The following ZNF319 variants were observed in gnomAD, a reference collection of about 807,000 sequenced individuals.
ZNF319 encodes the protein zinc finger protein 319.
In ZNF319, 15 loss-of-function variants were observed where a neutral mutation model predicts 46.0. The observed-to-expected ratio is 0.33, with a 90% CI of 0.22 to 0.50. ZNF319 has a LOEUF of 0.50. ZNF319 is among the 20% of genes least tolerant of loss of function. The probability of loss-of-function intolerance (pLI) is 0.98; values close to 1 mark genes in which losing one functional copy is unlikely to be tolerated. For missense variants in ZNF319, 635 were observed against 807.0 expected (o/e 0.79, Z 2.58); for synonymous variants, 368 against 364.0 (o/e 1.01, Z -0.13).
In ZNF319 at chr16:57,997,690, G is replaced by A. The variant is rs750563673; in HGVS notation, c.576C>T (p.Val192=). Residue 192 remains valine, a synonymous_variant, in exon 2 of 2, where the codon GTC becomes GTT. Coordinates refer to ENST00000299237, the MANE Select transcript of ZNF319 (RefSeq NM_020807.3). ...GCTTGTCGGCCTGTTCAGCAGGGGT[G>A]ACAGTGGAAGGCGCGGGTGCTGCGG... ...SLPAAPAPST[V]TPAEQADKPY... The A allele has an allele frequency of 1.9e-6, 3 of 1,613,756 alleles. No homozygotes were observed. The highest frequency in any genetic ancestry group is 2.5e-6 in the Non-Finnish European group (3 of 1,180,032).
At position 57,996,312 on chromosome 16, in the gene ZNF319, G is replaced by T. The variant is rs527834047; in HGVS notation, c.*205C>A. On this transcript the variant is annotated 3_prime_UTR_variant, in exon 2 of 2. Coordinates refer to ENST00000299237, the MANE Select transcript of ZNF319 (RefSeq NM_020807.3). ...CAGGATGGGCCACAGCAATCTGGCC[G>T]CCCGCACTGCCCGCTGGTGCCAGGA... The T allele has an allele frequency of 2.9e-6, 3 of 1,044,682 alleles. No individual in the cohort carries two copies. The highest frequency in any genetic ancestry group is 2.7e-5 in the East Asian group (1 of 36,812). The allele number at this position is 1,044,682 out of a possible 1,614,324, so 64.7% of individuals were successfully genotyped here. A position where few individuals can be genotyped will look rare whatever the true frequency, so the allele number is the denominator to read the frequency against.
chr16:57,998,775 A>G (rs1014612671), intron 1 of ZNF319, among the ~76,000 whole-genome samples: 9 of 152,082 alleles, frequency 5.9e-5, no homozygotes, highest in Admixed American at 3.3e-4. Context: ...CTGGGCCAGG[A>G]CATCCCAGCC....
At position 58,000,621 on chromosome 16, in the gene ZNF319, G is replaced by T. The variant is rs575238163; in HGVS notation, c.-1386C>A. 0.01 allele frequency among the ~76,000 whole-genome samples: 1,559 copies of T among 149,678 alleles called. 14 individuals are homozygous for T. The highest frequency in any genetic ancestry group is 0.022 in the Admixed American group (332 of 15,092). ...GCTGCCGGAGTAGCGGGGCCGGGGC[G>T]AGGAGCGCCGGGAGGGCGGGCGGAC... On this transcript the variant is annotated 5_prime_UTR_variant, in exon 1 of 2. Transcript: ENST00000299237. The surrounding 1 kb of genome is among the most constrained non-coding windows in gnomAD (Gnocchi z 4.5).
rs1406400109 is a variant in ZNF319 at position 57,998,438 on chromosome 16, A to G, written c.-173T>C. Reference sequence around the variant, plus strand: ...GTCAGTAACCAAGCGGACAGACTACAAGGCTCTGCCTACAGGACATGGGGG... The same window carrying G: ...GTCAGTAACCAAGCGGACAGACTACGAGGCTCTGCCTACAGGACATGGGGG... On this transcript the variant is annotated 5_prime_UTR_variant, in exon 2 of 2. Coordinates refer to ENST00000299237, the MANE Select transcript of ZNF319 (RefSeq NM_020807.3). 3 of 1,077,166 alleles carry G rather than the reference A, an allele frequency of 2.8e-6. No individual in the cohort carries two copies. Among genetic ancestry groups the G allele is most frequent in the African/African-American group, 1.6e-5 (1 of 62,800 alleles). 66.7% of individuals were successfully genotyped at this position (1,077,166 alleles called of 1,614,324 possible). A position where few individuals can be genotyped will look rare whatever the true frequency, so the allele number is the denominator to read the frequency against.
chr16:57,996,686 TC>T lies in ZNF319; in HGVS notation c.1579del (p.Glu527SerfsTer26). 6.2e-7 allele frequency: 1 copy of T among 1,613,248 alleles called. No homozygotes were observed. The highest frequency in any genetic ancestry group is 8.5e-7 in the Non-Finnish European group (1 of 1,179,966). ...CACGCCCTGGTGCTTGTTGAGATGC[TC>T]CCGCTGCTTGAAGGCCTTGTCGCAG... Reference protein sequence around the residue: ...PNCDKAFKQREHLNKHQGVHA... With the variant: ...PNCDKAFKQRXHLNKHQGVHA... On this transcript the variant is annotated frameshift_variant, in exon 2 of 2. Transcript: ENST00000299237. LOFTEE classifies it high-confidence loss of function.
At chr16:57,999,274 A>ACACAC (rs1224745413) in intron 1 of ZNF319, among the ~76,000 whole-genome samples, 5 of 78,460 alleles carry the variant, frequency 6.4e-5, no homozygotes, top group Non-Finnish European at 1.1e-4. Flanking sequence ...CACACACACA[A>ACACAC]AGTCCTAAAT....
In ZNF319 at chr16:57,998,013, G is replaced by A. The variant is rs750585971; in HGVS notation, c.253C>T (p.Leu85=). 207 of 1,612,394 alleles carry A rather than the reference G, an allele frequency of 1.3e-4. No homozygotes were observed. Among genetic ancestry groups the A allele is most frequent in the Non-Finnish European group, 1.6e-4 (193 of 1,180,038 alleles). ...GPKCGVCGHD[L]AHLSSPHEHQ... is the part of the protein sequence containing the mutation. The stretch of plus-strand genomic sequence containing the variant: ...TCATGCGGACTGGACAGGTGCGCCA[G>A]GTCGTGACCACACACGCCACATTTG... Residue 85 remains leucine (L), a synonymous_variant, in exon 2 of 2, where the codon CTG becomes TTG. Coordinates refer to ENST00000299237, the MANE Select transcript of ZNF319 (RefSeq NM_020807.3).
In ZNF319 at chr16:57,995,279, A is replaced by C. The variant is rs1309572900; in HGVS notation, c.*1238T>G. The C allele has an allele frequency of 6.6e-6, 1 of 152,254 alleles. No homozygotes were observed. Among genetic ancestry groups the C allele is most frequent in the Non-Finnish European group, 1.5e-5 (1 of 68,062 alleles). 9.4% of individuals were successfully genotyped at this position (152,254 alleles called of 1,614,324 possible). A position where few individuals can be genotyped will look rare whatever the true frequency, so the allele number is the denominator to read the frequency against. ...GGTCCCCCACAGGCTTCCTTAACCC[A>C]CTTGCTCTTTCTGCTCCCTATGACT... On this transcript the variant is annotated 3_prime_UTR_variant, in exon 2 of 2. Coordinates refer to ENST00000299237, the MANE Select transcript of ZNF319 (RefSeq NM_020807.3).
At position 57,996,204 on chromosome 16, in the gene ZNF319, T is replaced by C. The variant is rs1963009265; in HGVS notation, c.*313A>G. Reference sequence around the variant, plus strand: ...GGGAGAAGCCACTTGACTTCCAGCCTGGCTCCAGTGCCCCGGAAATAAGGG... The same window carrying C: ...GGGAGAAGCCACTTGACTTCCAGCCCGGCTCCAGTGCCCCGGAAATAAGGG... On this transcript the variant is annotated 3_prime_UTR_variant, in exon 2 of 2. Transcript: ENST00000299237. 1 of 399,034 alleles carries C rather than the reference T, an allele frequency of 2.5e-6. No homozygotes were observed. The highest frequency in any genetic ancestry group is 4.4e-6 in the Non-Finnish European group (1 of 224,780). 24.7% of individuals were successfully genotyped at this position (399,034 alleles called of 1,614,324 possible). A position where few individuals can be genotyped will look rare whatever the true frequency, so the allele number is the denominator to read the frequency against.
At position 57,997,024 on chromosome 16, in the gene ZNF319, C is replaced by G; in HGVS notation, c.1242G>C (p.Leu414=). 1 of 1,609,596 alleles carries G rather than the reference C, an allele frequency of 6.2e-7. No individual in the cohort carries two copies. The highest frequency in any genetic ancestry group is 8.5e-7 in the Non-Finnish European group (1 of 1,179,096). The change falls in exon 2 of 2, where the codon CTG becomes CTC. Residue 414 remains leucine (L), a synonymous_variant. Coordinates refer to ENST00000299237, the MANE Select transcript of ZNF319 (RefSeq NM_020807.3). The part of the protein sequence containing the change: ...CQKGFDQSAE[L]LRHKCLPGAA... ...CGCCGGGCAGGCACTTGTGCCGCAGCAGCTCGGCAGATTGGTCAAAGCCTT... is the reference window on the plus strand; with the variant it reads ...CGCCGGGCAGGCACTTGTGCCGCAGGAGCTCGGCAGATTGGTCAAAGCCTT...
Position 57,996,787 on chromosome 16 carries a change from T to C in ZNF319, c.1479A>G (p.Lys493=), listed in dbSNP as rs1157980845. Residue 493 remains lysine, a synonymous_variant, in exon 2 of 2, where the codon AAA becomes AAG. Coordinates refer to ENST00000299237, the MANE Select transcript of ZNF319 (RefSeq NM_020807.3). ...EKPLKCPDCE[K]RFKYASDLQR... is the part of the protein sequence containing the mutation. ...GCAGGTCTGACGCGTACTTGAAGCG[T>C]TTCTCGCAGTCTGGGCACTTGAGTG... 6.2e-7 allele frequency: 1 copy of C among 1,611,402 alleles called. No individual in the cohort carries two copies. The highest frequency in any genetic ancestry group is 1.7e-5 in the Admixed American group (1 of 59,706).
Position 57,996,964 on chromosome 16 carries a change from G to C in ZNF319, c.1302C>G (p.Asn434Lys). ...GGGCCGACGCGCGCTTGTAGGCCTTGTTGCACACAGGGCACTTGAAGGGCC... is the reference window on the plus strand; with the variant it reads ...GGGCCGACGCGCGCTTGTAGGCCTTCTTGCACACAGGGCACTTGAAGGGCC... ...AERPFKCPVCNKAYKRASALQ... is the reference protein window; with the variant it reads ...AERPFKCPVCKKAYKRASALQ... The change falls in exon 2 of 2, where the codon AAC becomes AAG. Residue 434 changes from asparagine to lysine, a missense_variant. Asn to Lys is a moderately conservative substitution (Grantham distance 94). This residue lies in a region of ZNF319 where 270 missense variants were observed against 281.4 expected (regional missense o/e 0.96). Transcript: ENST00000299237. 3.7e-6 allele frequency: 6 copies of C among 1,603,490 alleles called. No homozygotes were observed. The highest frequency in any genetic ancestry group is 5.1e-6 in the Non-Finnish European group (6 of 1,178,916).
In ZNF319 at chr16:58,000,012, G is replaced by T. The variant is rs1487922389; in HGVS notation, c.-777C>A. On this transcript the variant is annotated 5_prime_UTR_variant, in exon 1 of 2. Coordinates refer to ENST00000299237, the MANE Select transcript of ZNF319 (RefSeq NM_020807.3). This position sits in a 1 kb window ranked among gnomAD's most constrained non-coding sequence, Gnocchi z 4.5. ...ATCACTCCGCAAAGGGGAGAGAGGAGGCAAGGAGAGGCAGGGGAGGCCCCC... is the reference window on the plus strand; with the variant it reads ...ATCACTCCGCAAAGGGGAGAGAGGATGCAAGGAGAGGCAGGGGAGGCCCCC... 1.3e-5 allele frequency among the ~76,000 whole-genome samples: 2 copies of T among 152,258 alleles called. No homozygotes were observed. Among genetic ancestry groups the T allele is most frequent in the African/African-American group, 2.4e-5 (1 of 41,470 alleles).
At position 57,996,742 on chromosome 16, in the gene ZNF319, G is replaced by T; in HGVS notation, c.1524C>A (p.His508Gln). 1 of 1,596,772 alleles carries T rather than the reference G, an allele frequency of 6.3e-7. No individual in the cohort carries two copies. The change falls in exon 2 of 2, where the codon CAC becomes CAA. Residue 508 changes from histidine (H) to glutamine (Q), a missense_variant. This residue lies in a region of ZNF319 where 270 missense variants were observed against 281.4 expected (regional missense o/e 0.96). Transcript: ENST00000299237. ...ASDLQRHRRV[H>Q]TGEKPYKCPN... ...GGCACTTGTAGGGCTTCTCGCCTGTGTGTACCCGCCGGTGCCGCTGCAGGT... is the reference window on the plus strand; with the variant it reads ...GGCACTTGTAGGGCTTCTCGCCTGTTTGTACCCGCCGGTGCCGCTGCAGGT...
chr16:57,998,171 G>C lies in ZNF319; in HGVS notation c.95C>G (p.Ala32Gly), dbSNP rs1963066083. The change falls in exon 2 of 2, where the codon GCA becomes GGA. Residue 32 changes from alanine to glycine, a missense_variant. Coordinates refer to ENST00000299237, the MANE Select transcript of ZNF319 (RefSeq NM_020807.3). The stretch of plus-strand genomic sequence containing the variant: ...CGTGCCCGGAGGCAGCGTGTGCTCT[G>C]CCAGGGCTGGCGGTGGCTCTGCATG... ...QHHAEPPPAL[A>G]EHTLPPGTAE... 4 of 1,566,648 alleles carry C rather than the reference G, an allele frequency of 2.6e-6. No individual in the cohort carries two copies. Among genetic ancestry groups the C allele is most frequent in the Non-Finnish European group, 3.5e-6 (4 of 1,151,920 alleles).
Position 57,996,426 on chromosome 16 carries a change from G to C in ZNF319, c.*91C>G. 2 of 1,437,466 alleles carry C rather than the reference G, an allele frequency of 1.4e-6. No homozygotes were observed. Among genetic ancestry groups the C allele is most frequent in the Non-Finnish European group, 1.8e-6 (2 of 1,100,768 alleles). 89.0% of individuals were successfully genotyped at this position (1,437,466 alleles called of 1,614,324 possible). A position where few individuals can be genotyped will look rare whatever the true frequency, so the allele number is the denominator to read the frequency against. ...CACCGAGCTGGGTGGGGCCCTTGGT[G>C]CAAGGCAGCTGTGAGGAGCTAGGCT... On this transcript the variant is annotated 3_prime_UTR_variant, in exon 2 of 2. Coordinates refer to ENST00000299237, the MANE Select transcript of ZNF319 (RefSeq NM_020807.3).
Position 57,997,721 on chromosome 16 carries a change from G to C in ZNF319, c.545C>G (p.Ser182Trp). ...GGAAGGCGCGGGTGCTGCGGGAAGCGACGGGGCGGCTGTGGTGGCTGGCTC... is the reference window on the plus strand; with the variant it reads ...GGAAGGCGCGGGTGCTGCGGGAAGCCACGGGGCGGCTGTGGTGGCTGGCTC... ...AAEPATTAAP[S>W]LPAAPAPSTV... The change falls in exon 2 of 2, where the codon TCG (serine) becomes TGG (tryptophan). Residue 182 changes from serine to tryptophan, a missense_variant. Ser to Trp is a radical substitution (Grantham distance 177, BLOSUM62 -3). Coordinates refer to ENST00000299237, the MANE Select transcript of ZNF319 (RefSeq NM_020807.3). 1 of 1,613,668 alleles carries C rather than the reference G, an allele frequency of 6.2e-7. No homozygotes were observed. The highest frequency in any genetic ancestry group is 8.5e-7 in the Non-Finnish European group (1 of 1,180,038).
Position 57,997,757 on chromosome 16 carries a change from G to T in ZNF319, c.509C>A (p.Ala170Asp). 1 of 1,613,320 alleles carries T rather than the reference G, an allele frequency of 6.2e-7. No individual in the cohort carries two copies. Among genetic ancestry groups the T allele is most frequent in the South Asian group, 1.1e-5 (1 of 91,092 alleles). The change falls in exon 2 of 2, where the codon GCT (alanine) becomes GAT (aspartate). Residue 170 changes from alanine to aspartate, a missense_variant. Coordinates refer to ENST00000299237, the MANE Select transcript of ZNF319 (RefSeq NM_020807.3). Reference sequence around the variant, plus strand: ...TGTGGTGGCTGGCTCCGCTGCCTCAGCTGGCTTGTAGGTCTTTTCACAGAT... The same window carrying T: ...TGTGGTGGCTGGCTCCGCTGCCTCATCTGGCTTGTAGGTCTTTTCACAGAT... Reference protein sequence around the residue: ...CSICEKTYKPAEAAEPATTAA... With the variant: ...CSICEKTYKPDEAAEPATTAA...
chr16:57,996,397 A>G lies in ZNF319; in HGVS notation c.*120T>C. ...CCTGCGTCCTCACTCCCGAGGTCTC[A>G]GAACACCGAGCTGGGTGGGGCCCTT... On this transcript the variant is annotated 3_prime_UTR_variant, in exon 2 of 2. Coordinates refer to ENST00000299237, the MANE Select transcript of ZNF319 (RefSeq NM_020807.3). 4 of 1,430,382 alleles carry G rather than the reference A, an allele frequency of 2.8e-6. No individual in the cohort carries two copies. Among genetic ancestry groups the G allele is most frequent in the Admixed American group, 2.9e-5 (1 of 34,852 alleles). The allele number at this position is 1,430,382 out of a possible 1,614,324, so 88.6% of individuals were successfully genotyped here. A position where few individuals can be genotyped will look rare whatever the true frequency, so the allele number is the denominator to read the frequency against.
Sources: allele counts gnomAD v4.1 joint callset (sites outside exome capture counted in the v4.1 genomes callset), GRCh38; gene constraint gnomAD v4.1.1; regional missense constraint gnomAD v4.1.1; non-coding constraint Gnocchi (gnomAD v3.1); transcripts MANE v1.5; gene names NCBI Gene and HGNC (gene_info 2026-07-23, HGNC 2026-07-21).